Variants in DRC4 observed in about 807,000 individuals in gnomAD.
DRC4 encodes dynein regulatory complex subunit 4, also known as GAS-11.
chr16:90,028,440 G>A, the DRC4 span, among the ~76,000 whole-genome samples: 32 of 151,378 alleles, frequency 2.1e-4, no homozygotes, highest in East Asian at 9.7e-4. Flanking sequence ...CACTCGCCTC[G>A]GCCTCCCAAA....
chr16:90,037,435 A>G, the DRC4 span: 60 of 1,586,598 alleles, frequency 3.8e-5, no homozygotes, highest in Middle Eastern at 1.7e-4. Flanking sequence ...CCTCCTTGGC[A>G]TGAGCTTGCC....
At chr16:90,028,666 C>A in the DRC4 span, among the ~76,000 whole-genome samples, 2 of 152,186 alleles carry the variant, frequency 1.3e-5, no homozygotes, top group African/African-American at 2.4e-5. Flanking sequence ...TACATAATTA[C>A]AATTTTACCT....
chr16:90,022,631 G>T, the DRC4 span: 1 of 1,336,356 alleles, frequency 7.5e-7, no homozygotes, highest in South Asian at 1.5e-5. Flanking sequence ...GACTTATCGC[G>T]GCATCGCCCA....
chr16:90,044,109 C>A, the DRC4 span: 1 of 449,622 alleles, frequency 2.2e-6, no homozygotes, highest in Non-Finnish European at 4.5e-6. Context: ...GTGAACCTTC[C>A]GCACCAGAGG....
At chr16:90,020,399 G>A in the DRC4 span, among the ~76,000 whole-genome samples, 9 of 152,224 alleles carry the variant, frequency 5.9e-5, no homozygotes, top group East Asian at 9.6e-4. Context: ...AGTTGATGCC[G>A]TGGCCTGAGG....
chr16:90,033,600 A>C, the DRC4 span, among the ~76,000 whole-genome samples: 1 of 152,226 alleles, frequency 6.6e-6, no homozygotes, highest in African/African-American at 2.4e-5. Context: ...CAGGAAGTCA[A>C]GGCTGTGGTG....
the DRC4 span, among the ~76,000 whole-genome samples, chr16:90,033,558 T>TG: frequency 2.0e-5 from 3 of 152,142 alleles, no homozygotes. Flanking sequence ...TTCAGCTACT[T>TG]GGGAGGCTGA....
the DRC4 span, chr16:90,029,089 G>C: frequency 3.1e-6 from 4 of 1,308,718 alleles, no homozygotes; most frequent in Non-Finnish European, 4.0e-6. Flanking sequence ...CTCCCTGTCC[G>C]CTTCCCATTC....
At chr16:90,031,748 A>G in the DRC4 span, among the ~76,000 whole-genome samples, 1 of 152,154 alleles carries the variant, frequency 6.6e-6, no homozygotes, top group East Asian at 1.9e-4. Flanking sequence ...CTGCCACTTA[A>G]TACCCCATGA....
chr16:90,034,909 T>TC, the DRC4 span, among the ~76,000 whole-genome samples: 1 of 140,532 alleles, frequency 7.1e-6, no homozygotes, highest in East Asian at 2.0e-4. Flanking sequence ...TTTTTTTTTT[T>TC]TTTTTTTTTT....
chr16:90,020,674 G>A, the DRC4 span, among the ~76,000 whole-genome samples: 19 of 152,164 alleles, frequency 1.2e-4, 1 homozygote, highest in Admixed American at 7.2e-4. Flanking sequence ...CCAGGGAGCC[G>A]CAATTCAGGG....
At chr16:90,041,576 T>A in the DRC4 span, among the ~76,000 whole-genome samples, 2 of 152,068 alleles carry the variant, frequency 1.3e-5, no homozygotes, top group Non-Finnish European at 1.5e-5. Flanking sequence ...GAGGCTGAGG[T>A]GGGCAGATCA....
chr16:90,036,755 CGT>C, the DRC4 span: 1 of 726,878 alleles, frequency 1.4e-6, no homozygotes, highest in Non-Finnish European at 2.5e-6. Context: ...TCCTAAATAA[CGT>C]AACCTATCTC....
chr16:90,037,219 C>G, the DRC4 span: 1 of 1,600,538 alleles, frequency 6.2e-7, no homozygotes, highest in Admixed American at 1.7e-5. Context: ...CGGGCCTGTG[C>G]TTGTGCCTGC....
chr16:90,033,034 A>G, the DRC4 span: 3 of 1,072,636 alleles, frequency 2.8e-6, no homozygotes, highest in South Asian at 1.5e-5. Flanking sequence ...ATTTCTGCAT[A>G]AGACTTTCTG....
the DRC4 span, among the ~76,000 whole-genome samples, chr16:90,042,125 G>A: frequency 6.6e-5 from 10 of 152,144 alleles, no homozygotes; most frequent in South Asian, 2.1e-4. Flanking sequence ...TAGTAGAGAC[G>A]GGGTTTCGCC....
the DRC4 span, chr16:90,022,721 C>T: frequency 7.0e-7 from 1 of 1,419,808 alleles, no homozygotes; most frequent in Non-Finnish European, 9.3e-7. Context: ...CCGCTGGCGT[C>T]ATGGTGAGCA....
chr16:90,036,971 T>C, the DRC4 span: 2 of 564,050 alleles, frequency 3.5e-6, no homozygotes, highest in African/African-American at 3.8e-5. Flanking sequence ...CAGGATTTTC[T>C]ACAGTAGACA....
the DRC4 span, chr16:90,037,452 C>G: frequency 1.7e-5 from 26 of 1,554,078 alleles, no homozygotes; most frequent in Non-Finnish European, 2.3e-5. Flanking sequence ...TGCCTAGGCT[C>G]AGGAGGGAGG....
Sources: allele counts gnomAD v4.1 joint callset (sites outside exome capture counted in the v4.1 genomes callset), GRCh38; gene constraint gnomAD v4.1.1; transcripts MANE v1.5; gene names NCBI Gene and HGNC (gene_info 2026-07-23, HGNC 2026-07-21).